FGD5: variants seen among roughly 807,000 people sequenced by gnomAD.
The protein encoded by FGD5 is FYVE, RhoGEF and PH domain-containing protein 5.
A neutral mutation model predicts 133.4 loss-of-function variants in FGD5; 28 were observed. The observed-to-expected ratio is 0.21, with a 90% CI of 0.16 to 0.29. The LOEUF (loss-of-function observed/expected upper bound fraction) is 0.29, where lower values mean the gene tolerates loss of function less well. Among genes scored for constraint, FGD5 ranks in the 10% least tolerant of loss-of-function variants. FGD5 has a pLI of 1.00. For synonymous variants in FGD5, 810 were observed against 776.5 expected (o/e 1.04, Z -0.72); for missense variants, 1,858 against 1,895.2 (o/e 0.98, Z 0.36).
intron 18 of FGD5, chr3:14,931,074 T>C (rs562927064): frequency 6.6e-6 from 1 of 152,288 alleles, no homozygotes; most frequent in African/African-American, 2.4e-5. Flanking sequence ...CAGTACAATG[T>C]TGAATTGAAC....
intron 13 of FGD5, among the ~76,000 whole-genome samples, chr3:14,919,293 G>A (rs947584257): frequency 6.6e-6 from 1 of 152,192 alleles, no homozygotes; most frequent in Admixed American, 6.5e-5. Context: ...TGCCCTGTCT[G>A]TGTGGTGTCT....
At chr3:14,853,898 C>T (rs2037219430) in intron 1 of FGD5, among the ~76,000 whole-genome samples, 1 of 147,294 alleles carries the variant, frequency 6.8e-6, no homozygotes, top group African/African-American at 2.5e-5. Flanking sequence ...AAGGTAACAG[C>T]CTCTGAGCAG....
chr3:14,868,233 C>T (rs948341311), intron 2 of FGD5, among the ~76,000 whole-genome samples: 1 of 152,146 alleles, frequency 6.6e-6, no homozygotes, highest in Admixed American at 6.5e-5. Context: ...ACCAGCTCCC[C>T]CGAGACCAGC....
chr3:14,812,434 G>A (rs938397399), intron 1 of FGD5, among the ~76,000 whole-genome samples: 5 of 152,216 alleles, frequency 3.3e-5, no homozygotes, highest in African/African-American at 1.2e-4. Context: ...ACGTTTTCCT[G>A]CATGAGGCTT....
In FGD5 at chr3:14,819,318, A is replaced by G. The variant is rs1375406471; in HGVS notation, c.247A>G (p.Ser83Gly). The G allele has an allele frequency of 2.0e-6, 3 of 1,538,300 alleles. No homozygotes were observed. The highest frequency in any genetic ancestry group is 1.4e-5 in the African/African-American group (1 of 72,844). ...GGAGGATGAACCCAAGGACGAGGGC[A>G]GTGTGGGGAACAAAGCCCTGGTGTC... Reference protein sequence around the residue: ...LREDEPKDEGSVGNKALVSPE... With the variant: ...LREDEPKDEGGVGNKALVSPE... Residue 83 changes from serine (S) to glycine (G), a missense_variant, in exon 1 of 20, where the codon AGT (serine) becomes GGT (glycine). Physicochemically the swap from Ser to Gly is moderately conservative, Grantham distance 56. Around this residue, in one of 3 missense-constraint regions of FGD5, gnomAD observed 1,824 missense variants for 1,848.9 expected, o/e 0.99. Transcript: ENST00000285046. The surrounding 1 kb of genome is among the most constrained non-coding windows in gnomAD (Gnocchi z 4.1).
chr3:14,922,378 T>C lies in FGD5; in HGVS notation c.3670-33T>C, dbSNP rs1456422892. The C allele has an allele frequency of 1.5e-5, 24 of 1,556,120 alleles. No homozygotes were observed. Among genetic ancestry groups the C allele is most frequent in the Non-Finnish European group, 1.9e-5 (22 of 1,149,584 alleles). On this transcript the variant is annotated intron_variant, in intron 14 of 19. Coordinates refer to ENST00000285046, the MANE Select transcript of FGD5 (RefSeq NM_152536.4). The surrounding 1 kb of genome is among the most constrained non-coding windows in gnomAD (Gnocchi z 4.1). ...GCATCTGGCTGGTCTCCTGGCCACATTCCACATTACTCAGCCAATTCTGTT... is the reference window on the plus strand; with the variant it reads ...GCATCTGGCTGGTCTCCTGGCCACACTCCACATTACTCAGCCAATTCTGTT...
intron 4 of FGD5, among the ~76,000 whole-genome samples, chr3:14,886,067 A>C (rs1313677292): frequency 1.3e-5 from 2 of 152,228 alleles, no homozygotes; most frequent in African/African-American, 4.8e-5. Context: ...CAGGCGATCC[A>C]GGTCAAATCT....
Position 14,882,343 on chromosome 3 carries a change from T to C in FGD5, c.2748+1571T>C, listed in dbSNP as rs1033638309. 1.4e-5 allele frequency: 14 copies of C among 985,288 alleles called. 2 individuals are homozygous for C. The Middle Eastern group carries it at 2.1e-3, about 147-fold the overall frequency. The allele number at this position is 985,288 out of a possible 1,614,324, so 61.0% of individuals were successfully genotyped here. Reference sequence around the variant, plus strand: ...CTGCTTCCTGCCAGTTGGAAAGACATTGAAGCCCCTGGTAATCCATAATAA... The same window carrying C: ...CTGCTTCCTGCCAGTTGGAAAGACACTGAAGCCCCTGGTAATCCATAATAA... On this transcript the variant is annotated intron_variant, in intron 4 of 19. Transcript: ENST00000285046.
At chr3:14,835,393 G>A (rs1490453766) in intron 1 of FGD5, among the ~76,000 whole-genome samples, 1 of 152,080 alleles carries the variant, frequency 6.6e-6, no homozygotes, top group Admixed American at 6.6e-5. Context: ...CCAGCTGCTT[G>A]GAAGGCTGAG....
chr3:14,903,909 C>G (rs1352885905), intron 9 of FGD5, among the ~76,000 whole-genome samples: 1 of 152,122 alleles, frequency 6.6e-6, no homozygotes, highest in Non-Finnish European at 1.5e-5. Flanking sequence ...TTCTCATTTT[C>G]CTTGCTTTTG....
rs2038794294 is a variant in FGD5 at position 14,925,923 on chromosome 3, G to C, written c.4069-147G>C. On this transcript the variant is annotated intron_variant, in intron 17 of 19. Transcript: ENST00000285046. ...ATGAAGCACTATCTTGCTGACTTTG[G>C]TACTGGATAGATCCTGAGACCTTAT... 7.7e-6 allele frequency: 8 copies of C among 1,044,426 alleles called. No individual in the cohort carries two copies. In the East Asian group the frequency reaches 2.2e-4, roughly 29 times the overall value. The allele number at this position is 1,044,426 out of a possible 1,614,324, so 64.7% of individuals were successfully genotyped here. A position where few individuals can be genotyped will look rare whatever the true frequency, so the allele number is the denominator to read the frequency against.
chr3:14,816,093 C>T (rs115793025), upstream of FGD5, among the ~76,000 whole-genome samples: 1,212 of 152,340 alleles, frequency 8.0e-3, 16 homozygotes, highest in African/African-American at 0.028. Context: ...ATGCCTCAGA[C>T]ACCCACCATA....
At chr3:14,856,017 A>C (rs1258184275) in intron 1 of FGD5, among the ~76,000 whole-genome samples, 1 of 152,066 alleles carries the variant, frequency 6.6e-6, no homozygotes, top group East Asian at 1.9e-4. Context: ...TGGGTCTTAC[A>C]TTTAGGTCTT....
chr3:14,848,071 C>T (rs1208934711), intron 1 of FGD5, among the ~76,000 whole-genome samples: 2 of 152,276 alleles, frequency 1.3e-5, no homozygotes, highest in African/African-American at 2.4e-5. Flanking sequence ...GCCAGGTCCT[C>T]CCCAGGGAGG....
At chr3:14,905,551 G>A (rs957040172) in intron 9 of FGD5, among the ~76,000 whole-genome samples, 2 of 152,094 alleles carry the variant, frequency 1.3e-5, no homozygotes, top group East Asian at 3.8e-4. Flanking sequence ...GCTGTGTTCC[G>A]TTTGCTGCTA....
intron 1 of FGD5, among the ~76,000 whole-genome samples, chr3:14,860,806 T>C (rs1247233681): frequency 7.2e-6 from 1 of 139,326 alleles, no homozygotes; most frequent in Non-Finnish European, 1.5e-5. Context: ...AGACCCCTTT[T>C]TTAAAAAAAA....
In FGD5 at chr3:14,894,522, T is replaced by A. The variant is rs113273324; in HGVS notation, c.2749-2987T>A. On this transcript the variant is annotated intron_variant, in intron 4 of 19. Transcript: ENST00000285046. The stretch of plus-strand genomic sequence containing the variant: ...TGTTAGTTCTTTTTTTTTTTTTTTT[T>A]TTTCCTTTTTTGAGACAGGGTCTCA... Among the ~76,000 whole-genome samples, 53 of 97,962 alleles carry A rather than the reference T, an allele frequency of 5.4e-4. No individual in the cohort carries two copies. The South Asian group carries it at 9.4e-3, about 17-fold the overall frequency. 64.3% of individuals were successfully genotyped at this position (97,962 alleles called of 152,430 possible). A position where few individuals can be genotyped will look rare whatever the true frequency, so the allele number is the denominator to read the frequency against.
intron 1 of FGD5, among the ~76,000 whole-genome samples, chr3:14,834,786 G>A (rs1412263289): frequency 6.6e-6 from 1 of 152,132 alleles, no homozygotes; most frequent in Non-Finnish European, 1.5e-5. Context: ...AGCAGTTTAA[G>A]GGGTAAATAG....
At chr3:14,907,409 A>G (rs1187289803) in intron 9 of FGD5, among the ~76,000 whole-genome samples, 1 of 152,220 alleles carries the variant, frequency 6.6e-6, no homozygotes, top group African/African-American at 2.4e-5. Context: ...GATGCTGGAC[A>G]GCACAGTGAG....
Sources: allele counts gnomAD v4.1 joint callset (sites outside exome capture counted in the v4.1 genomes callset), GRCh38; gene constraint gnomAD v4.1.1; regional missense constraint gnomAD v4.1.1; non-coding constraint Gnocchi (gnomAD v3.1); transcripts MANE v1.5; gene names NCBI Gene and HGNC (gene_info 2026-07-23, HGNC 2026-07-21).